SLC26A5: variants seen among roughly 807,000 people sequenced by gnomAD.
SLC26A5 encodes solute carrier family 26 member 5.
SLC26A5 carries 51 observed loss-of-function variants against 81.0 expected under a neutral mutation model. The observed-to-expected ratio is 0.63, with a 90% CI of 0.50 to 0.80. SLC26A5 has a LOEUF of 0.80. SLC26A5 is among the 30% of genes least tolerant of loss of function. The probability of loss-of-function intolerance (pLI) is 0.00; values close to 1 mark genes in which losing one functional copy is unlikely to be tolerated. For missense variants in SLC26A5, 771 were observed against 905.8 expected (o/e 0.85, Z 1.91); for synonymous variants, 325 against 332.8 (o/e 0.98, Z 0.25).
intron 19 of SLC26A5, among the ~76,000 whole-genome samples, chr7:103,365,194 CTTTAT>C (rs1358018643): frequency 1.3e-5 from 2 of 151,858 alleles, no homozygotes; most frequent in Non-Finnish European, 2.9e-5. Flanking sequence ...AGAATGGTTC[CTTTAT>C]TTAACTATTA....
Position 103,380,505 on chromosome 7 carries a change from T to C in SLC26A5, c.1559A>G (p.Tyr520Cys), listed in dbSNP as rs776299858. Reference protein sequence around the residue: ...VLGKLPETDVYIDIDAYEEVK... With the variant: ...VLGKLPETDVCIDIDAYEEVK... ...CTCCTCATATGCGTCTATATCAATA[T>C]ACACATCAGTTTCAGGAAGCTTTCC... The change falls in exon 15 of 20, where the codon TAT (tyrosine) becomes TGT (cysteine). Residue 520 changes from tyrosine (Y) to cysteine (C), a missense_variant. Physicochemically the swap from Tyr to Cys is radical, Grantham distance 194. Transcript: ENST00000306312. 6.8e-6 allele frequency: 11 copies of C among 1,613,586 alleles called. No homozygotes were observed. The highest frequency in any genetic ancestry group is 5.0e-5 in the Admixed American group (3 of 59,982).
At position 103,419,316 on chromosome 7, in the gene SLC26A5, T is replaced by C. The variant is rs369588534; in HGVS notation, c.292+1422A>G. Among the ~76,000 whole-genome samples the C allele has an allele frequency of 3.9e-4, 60 of 152,280 alleles. 1 individual carries two copies. The East Asian group carries it at 7.7e-3, about 20-fold the overall frequency. On this transcript the variant is annotated intron_variant, in intron 4 of 19. Transcript: ENST00000306312. ...CTGTACTCAGAATGAAACCCAAAAA[T>C]GGCCTAAGAAGACTCTGCAGGCCTA...
intron 2 of SLC26A5, among the ~76,000 whole-genome samples, chr7:103,436,906 C>A (rs1826492285): frequency 6.6e-6 from 1 of 152,120 alleles, no homozygotes; most frequent in Admixed American, 6.5e-5. Flanking sequence ...GATATGGCTC[C>A]AAAGTCACAG....
intron 4 of SLC26A5, among the ~76,000 whole-genome samples, chr7:103,415,106 A>G (rs537943443): frequency 1.3e-5 from 2 of 152,352 alleles, no homozygotes; most frequent in African/African-American, 4.8e-5. Flanking sequence ...TGGGACAATT[A>G]GAAAACTCAT....
chr7:103,391,678 T>C lies in SLC26A5; in HGVS notation c.1177A>G (p.Ile393Val), dbSNP rs555983287. The change falls in exon 11 of 20, where the codon ATT becomes GTT. Residue 393 changes from isoleucine to valine, a missense_variant. Ile to Val is a conservative substitution (Grantham distance 29, BLOSUM62 3). Transcript: ENST00000306312. The stretch of plus-strand genomic sequence containing the variant: ...AGGCTTCGAGACAAGGAGCATGAAA[T>C]TGAAAAGGTCTGGAAGAGTGAGCCA... ...SIGSLFQTFS[I>V]SCSLSRSLVQ... The C allele has an allele frequency of 6.2e-7, 1 of 1,614,138 alleles. No individual in the cohort carries two copies. The highest frequency in any genetic ancestry group is 1.6e-4 in the Middle Eastern group (1 of 6,062).
chr7:103,395,087 C>A (rs986007496), intron 9 of SLC26A5, among the ~76,000 whole-genome samples: 2 of 152,166 alleles, frequency 1.3e-5, no homozygotes, highest in African/African-American at 4.8e-5. Context: ...ATAACAAACC[C>A]CAAGTGAGAC....
At chr7:103,417,263 A>G (rs534011149) in intron 4 of SLC26A5, among the ~76,000 whole-genome samples, 6 of 151,456 alleles carry the variant, frequency 4.0e-5, no homozygotes, top group African/African-American at 9.7e-5. Context: ...CCAGCTACTC[A>G]GGAGGCTGAG....
At chr7:103,395,907 A>G (rs1823075180) in intron 9 of SLC26A5, among the ~76,000 whole-genome samples, 1 of 152,208 alleles carries the variant, frequency 6.6e-6, no homozygotes, top group South Asian at 2.1e-4. Context: ...CTGAAATAAC[A>G]GCCTTAGAAC....
intron 14 of SLC26A5, among the ~76,000 whole-genome samples, 157 bp from the exon 15 acceptor site, chr7:103,380,706 C>T (rs748116298): frequency 6.6e-6 from 1 of 151,810 alleles, no homozygotes; most frequent in Admixed American, 6.6e-5. Flanking sequence ...ACACATATCA[C>T]GTTCCCAGTG....
At chr7:103,379,707 T>A (rs1821633575) in intron 15 of SLC26A5, among the ~76,000 whole-genome samples, 1 of 152,152 alleles carries the variant, frequency 6.6e-6, no homozygotes. Flanking sequence ...CTGCCCAGAC[T>A]GTGAGAGGCA....
At chr7:103,389,471 G>A (rs1586245916) in intron 12 of SLC26A5, 47 bp from the exon 13 acceptor site, 2 of 1,413,498 alleles carry the variant, frequency 1.4e-6, no homozygotes, top group Non-Finnish European at 2.0e-6. Flanking sequence ...TGTCCACAGA[G>A]TGTCCTTTGC....
intron 2 of SLC26A5, among the ~76,000 whole-genome samples, chr7:103,426,393 A>G (rs1303892112): frequency 2.6e-5 from 4 of 152,236 alleles, no homozygotes; most frequent in Non-Finnish European, 4.4e-5. Context: ...TTAAATTTGC[A>G]TATTAATCAA....
At chr7:103,408,484 C>G (rs1237857518) in intron 7 of SLC26A5, among the ~76,000 whole-genome samples, 1 of 152,162 alleles carries the variant, frequency 6.6e-6, no homozygotes, top group Non-Finnish European at 1.5e-5. Context: ...GCCTCGGCCT[C>G]CCAAAGTTCT....
At chr7:103,355,059 A>G (rs1380246527) in intron 19 of SLC26A5, 12 of 743,344 alleles carry the variant, frequency 1.6e-5, no homozygotes, top group Non-Finnish European at 2.7e-5. Context: ...AAAAAAAATC[A>G]TTATTCTTCC....
At position 103,392,993 on chromosome 7, in the gene SLC26A5, C is replaced by T. The variant is rs993716925; in HGVS notation, c.1045G>A (p.Val349Ile). The T allele has an allele frequency of 6.2e-6, 10 of 1,613,872 alleles. No individual in the cohort carries two copies. Among genetic ancestry groups the T allele is most frequent in the Admixed American group, 5.0e-5 (3 of 59,986 alleles). Reference protein sequence around the residue: ...VYVDAIAIAIVGFSVTISMAK... With the variant: ...VYVDAIAIAIIGFSVTISMAK... ...ATGGAGATGGTCACTGAAAATCCAACGATGGCTATGGCAATGGCATCTACG... is the reference window on the plus strand; with the variant it reads ...ATGGAGATGGTCACTGAAAATCCAATGATGGCTATGGCAATGGCATCTACG... The change falls in exon 10 of 20, where the codon GTT becomes ATT. Residue 349 changes from valine (V) to isoleucine (I), a missense_variant. Physicochemically the swap from Val to Ile is conservative, Grantham distance 29 (BLOSUM62 3). Transcript: ENST00000306312.
intron 2 of SLC26A5, among the ~76,000 whole-genome samples, chr7:103,442,725 A>G (rs1227826460): frequency 6.6e-6 from 1 of 152,224 alleles, no homozygotes; most frequent in Admixed American, 6.5e-5. Context: ...GCCCAAGATC[A>G]TATGCCTGGT....
intron 4 of SLC26A5, among the ~76,000 whole-genome samples, chr7:103,418,529 C>T (rs1825098618): frequency 6.6e-6 from 1 of 152,118 alleles, no homozygotes; most frequent in Admixed American, 6.5e-5. Flanking sequence ...TTGAATCTGT[C>T]CCTTTCTCTG....
At chr7:103,424,801 C>CA (rs563212513) in intron 2 of SLC26A5, among the ~76,000 whole-genome samples, 256 of 152,252 alleles carry the variant, frequency 1.7e-3, no homozygotes, top group African/African-American at 6.0e-3. Context: ...GCAGTGGTGA[C>CA]AAAATGTGGC....
intron 8 of SLC26A5, among the ~76,000 whole-genome samples, chr7:103,401,360 G>C (rs117077910): frequency 0.021 from 3,160 of 152,182 alleles, 62 homozygotes; most frequent in Non-Finnish European, 0.036. Context: ...CTCATGATTT[G>C]GCTCTCTATT....
Sources: gnomAD v4.1 joint callset for allele counts (sites outside exome capture counted in the v4.1 genomes callset) on GRCh38, gnomAD v4.1.1 for gene constraint, MANE v1.5 for transcripts, NCBI Gene and HGNC (gene_info 2026-07-23, HGNC 2026-07-21) for gene names.